CHN2: variants seen among roughly 807,000 people sequenced by gnomAD.
The protein encoded by CHN2 is beta-chimaerin.
A neutral mutation model predicts 56.3 loss-of-function variants in CHN2; 35 were observed. The observed-to-expected ratio is 0.62, with a 90% CI of 0.47 to 0.82. CHN2 has a LOEUF of 0.82. Among genes scored for constraint, CHN2 ranks in the 40% least tolerant of loss-of-function variants. The pLI, the probability that CHN2 is intolerant of heterozygous loss-of-function variation, is 0.00. For synonymous variants in CHN2, 210 were observed against 212.8 expected, an observed-to-expected ratio of 0.99 and a Z score of 0.12; for missense variants, 491 against 580.5, an observed-to-expected ratio of 0.85 and a Z score of 1.58.
chr7:29,209,076 A>C (rs2128777507), intron 1 of CHN2: 1 of 135,006 alleles, frequency 7.4e-6, no homozygotes, highest in South Asian at 2.3e-4. Flanking sequence ...GCTTTGTCAT[A>C]TGCTTAGGTG....
intron 1 of CHN2, among the ~76,000 whole-genome samples, chr7:29,340,820 A>T (rs531458670): frequency 1.3e-5 from 2 of 152,352 alleles, no homozygotes; most frequent in South Asian, 4.1e-4. Flanking sequence ...CTGGCACATA[A>T]AGGGTGCGCT....
chr7:29,496,763 TA>T (rs1169883377), intron 8 of CHN2, among the ~76,000 whole-genome samples: 1 of 152,200 alleles, frequency 6.6e-6, no homozygotes. Context: ...CTTATTAAGG[TA>T]CATCTAACAC....
chr7:29,461,869 T>TGGAA (rs1328350050), intron 6 of CHN2, among the ~76,000 whole-genome samples: 17 of 129,324 alleles, frequency 1.3e-4, no homozygotes, highest in African/African-American at 3.1e-4. Flanking sequence ...GATGGATGGA[T>TGGAA]GGAAGGAAGA....
intron 1 of CHN2, chr7:29,212,361 G>A: frequency 6.4e-7 from 1 of 1,560,862 alleles, no homozygotes; most frequent in Non-Finnish European, 8.8e-7. Context: ...CGACTGTAAA[G>A]AATCTTAACC....
intron 10 of CHN2, among the ~76,000 whole-genome samples, chr7:29,506,451 A>G (rs576897723): frequency 6.6e-6 from 1 of 152,266 alleles, no homozygotes; most frequent in Non-Finnish European, 1.5e-5. Context: ...AGCCTGGCCA[A>G]CATAGTGAAA....
At chr7:29,214,714 T>G (rs1377001201) in intron 1 of CHN2, among the ~76,000 whole-genome samples, 2 of 152,234 alleles carry the variant, frequency 1.3e-5, no homozygotes, top group Non-Finnish European at 2.9e-5. Context: ...CACTTGAATA[T>G]ATGTTATGTA....
intron 1 of CHN2, among the ~76,000 whole-genome samples, chr7:29,271,295 C>T (rs1186372816): frequency 1.3e-5 from 2 of 152,236 alleles, no homozygotes; most frequent in East Asian, 3.8e-4. Flanking sequence ...AGTGAAAACC[C>T]TCTGGTTGTT....
rs148726364 is a variant in CHN2 at position 29,179,137 on chromosome 7, C to T, written c.274+32177C>T. Among the ~76,000 whole-genome samples, 407 of 152,186 alleles carry T rather than the reference C, an allele frequency of 2.7e-3. 2 individuals carry two copies. The highest frequency in any genetic ancestry group is 9.2e-3 in the African/African-American group (384 of 41,534). ...TCCTCATGGACCCTTTGAAAACAGC[C>T]CCTCCATTTTCTTTTTGCCAAGCTT... On this transcript the variant is annotated intron_variant, in intron 2 of 6. Transcript: ENST00000439384.
chr7:29,511,953 T>C (rs1325208113), intron 12 of CHN2, among the ~76,000 whole-genome samples: 1 of 152,076 alleles, frequency 6.6e-6, no homozygotes, highest in East Asian at 1.9e-4. Context: ...TTTCAACTGC[T>C]GTAGACCTCA....
rs1197832056 is a variant in CHN2, at chr7:29,512,986, G to A, written c.*251G>A. The A allele has an allele frequency of 2.7e-6, 1 of 374,446 alleles. No homozygotes were observed. Among genetic ancestry groups the A allele is most frequent in the African/African-American group, 2.0e-5 (1 of 49,170 alleles). 23.2% of individuals were successfully genotyped at this position (374,446 alleles called of 1,614,324 possible). ...GCCTCCTATGTATGTCTGGTTTGCT[G>A]GAAGAGTGATTAATACATCTTTAAT... is the stretch of plus-strand genomic sequence containing the variant. On this transcript the variant is annotated 3_prime_UTR_variant, in exon 13 of 13. Transcript: ENST00000222792.
At chr7:29,343,198 A>G (rs1797171684) in intron 1 of CHN2, among the ~76,000 whole-genome samples, 1 of 152,278 alleles carries the variant, frequency 6.6e-6, no homozygotes, top group Admixed American at 6.5e-5. Flanking sequence ...CAGGGGAGGA[A>G]GTGTGTGAAT....
At position 29,494,950 on chromosome 7, in the gene CHN2, TAAAAAAAAAAAA is replaced by T. The variant is rs5883217; in HGVS notation, c.655-982_655-971del. Among the ~76,000 whole-genome samples the T allele has an allele frequency of 5.3e-4, 34 of 64,658 alleles. No individual in the cohort carries two copies. The South Asian group carries it at 7.6e-3, about 14-fold the overall frequency. The allele number at this position is 64,658 out of a possible 152,430, so 42.4% of individuals were successfully genotyped here. Reference sequence around the variant, plus strand: ...TTTTTTGTTAAATAAAAGCAGTTTGTAAAAAAAAAAAAAAAAAAAAAAAAAAAAAAATTGTCT... The same window carrying T: ...TTTTTTGTTAAATAAAAGCAGTTTGTAAAAAAAAAAAAAAAAAAATTGTCT... On this transcript the variant is annotated intron_variant, in intron 7 of 12. Transcript: ENST00000222792.
chr7:29,156,848 C>T (rs245903), intron 2 of CHN2, among the ~76,000 whole-genome samples: 136,506 of 152,282 alleles, frequency 0.9, 61,457 homozygotes, highest in East Asian at 1. Context: ...ACCTGGAGAT[C>T]TATCTAGCAA....
At chr7:29,242,359 C>T (rs983334458) in intron 1 of CHN2, among the ~76,000 whole-genome samples, 3 of 152,244 alleles carry the variant, frequency 2.0e-5, no homozygotes, top group East Asian at 1.9e-4. Flanking sequence ...AAGTGCCAAT[C>T]ACCAGAGACC....
chr7:29,156,587 A>T (rs1322267633), intron 2 of CHN2, among the ~76,000 whole-genome samples: 1 of 152,200 alleles, frequency 6.6e-6, no homozygotes, highest in African/African-American at 2.4e-5. Context: ...CATCCCCGAT[A>T]AAGGTCATCT....
Position 29,500,450 on chromosome 7 carries a change from A to AC in CHN2, c.913+414dup, listed in dbSNP as rs546076125. On this transcript the variant is annotated intron_variant, in intron 9 of 12. Transcript: ENST00000222792. ...AGACCAGCATGGGCAACATAGTGAG[A>AC]CCCCATCCTACAAAATTCTTTTAAA... 2.1e-4 allele frequency among the ~76,000 whole-genome samples: 32 copies of AC among 152,172 alleles called. No homozygotes were observed. In the South Asian group the frequency reaches 5.8e-3, roughly 28 times the overall value.
chr7:29,388,508 ACC>A lies in CHN2; in HGVS notation c.145-5168_145-5167del, dbSNP rs1801113414. Among the ~76,000 whole-genome samples, 10 of 152,260 alleles carry A rather than the reference ACC, an allele frequency of 6.6e-5. No homozygotes were observed. The South Asian group carries it at 2.1e-3, about 32-fold the overall frequency. On this transcript the variant is annotated intron_variant, in intron 3 of 12. Transcript: ENST00000222792. ...TATTTATTCATTTACTCTTACAACA[ACC>A]CCATGAGACAGGTACTTTTATTATC...
At chr7:29,152,884 C>A (rs1206841628) in intron 2 of CHN2, among the ~76,000 whole-genome samples, 2 of 152,196 alleles carry the variant, frequency 1.3e-5, no homozygotes, top group Non-Finnish European at 2.9e-5. Context: ...GTCTGAATAA[C>A]AAGGACCTCA....
chr7:29,395,622 TTTCTC>T (rs1326788548), intron 4 of CHN2, among the ~76,000 whole-genome samples: 1 of 152,170 alleles, frequency 6.6e-6, no homozygotes, highest in Non-Finnish European at 1.5e-5. Flanking sequence ...TTGCTAACCT[TTTCTC>T]TTCATCTCTT....
Sources: allele counts gnomAD v4.1 joint callset (sites outside exome capture counted in the v4.1 genomes callset), GRCh38; gene constraint gnomAD v4.1.1; transcripts MANE v1.5; gene names NCBI Gene and HGNC (gene_info 2026-07-23, HGNC 2026-07-21).